Variants in BRWD3 observed in about 807,000 individuals in gnomAD.
BRWD3 encodes bromodomain and WD repeat-containing protein 3.
Under a neutral mutation model 149.7 loss-of-function variants are expected in BRWD3, and 10 were observed. That is an observed-to-expected ratio of 0.07 (90% CI 0.04 to 0.11). BRWD3 has a LOEUF of 0.11. BRWD3 is among the 10% of genes least tolerant of loss of function. BRWD3 has a pLI of 1.00. For synonymous variants in BRWD3, 504 were observed against 456.7 expected, an observed-to-expected ratio of 1.10 and a Z score of -1.32; for missense variants, 940 against 1,373.2, an observed-to-expected ratio of 0.68 and a Z score of 4.99.
At chrX:80,773,076 G>A (rs968777131) in intron 6 of BRWD3, among the ~76,000 whole-genome samples, 3 of 112,006 alleles carry the variant, frequency 2.7e-5, no homozygotes, top group Non-Finnish European at 5.6e-5. Flanking sequence ...ATGGGGTAGG[G>A]GAGTCACGCA....
rs767526100 is a variant in BRWD3 at position 80,762,998 on chromosome X, A to G, written c.431-17269T>C. ...TCTAAGGAATAGTGATCGCTACTATAAAGAAAATAAAATAAATGCAAAAAT... is the reference window on the plus strand; with the variant it reads ...TCTAAGGAATAGTGATCGCTACTATGAAGAAAATAAAATAAATGCAAAAAT... On this transcript the variant is annotated intron_variant, in intron 6 of 40. Transcript: ENST00000373275. 1.1e-4 allele frequency among the ~76,000 whole-genome samples: 12 copies of G among 111,183 alleles called. No homozygotes were observed. In the East Asian group the frequency reaches 2.3e-3, roughly 21 times the overall value.
At chrX:80,790,206 A>G (rs2074165510) in intron 6 of BRWD3, among the ~76,000 whole-genome samples, 1 of 107,653 alleles carries the variant, frequency 9.3e-6, no homozygotes, top group Non-Finnish European at 1.9e-5. Flanking sequence ...AAAAAAAAAA[A>G]AAAAAAAAAA....
At chrX:80,704,258 A>G (rs910715108) in intron 23 of BRWD3, among the ~76,000 whole-genome samples, 9 of 56,405 alleles carry the variant, frequency 1.6e-4, no homozygotes, top group Non-Finnish European at 2.4e-4. Context: ...ACACCAAAAA[A>G]CATAGTGGAA....
At chrX:80,770,295 CA>C (rs888107620) in intron 6 of BRWD3, among the ~76,000 whole-genome samples, 1 of 111,097 alleles carries the variant, frequency 9.0e-6, no homozygotes, top group Admixed American at 9.6e-5. Context: ...AGAGACACAA[CA>C]AAAAAAGAGA....
In BRWD3 at chrX:80,735,167, G is replaced by A; in HGVS notation, c.945C>T (p.Ser315=). Reference sequence around the variant, plus strand: ...AACAAGATATCTGGACTCCAGGTCTGGATCTCTCAGTAAATTTCACCGGGC... The same window carrying A: ...AACAAGATATCTGGACTCCAGGTCTAGATCTCTCAGTAAATTTCACCGGGC... The part of the protein sequence containing the change: ...RDRPVKFTER[S]RPGVQISCSS... Residue 315 remains serine (S), a synonymous_variant, in exon 10 of 41, where the codon TCC becomes TCT. Transcript: ENST00000373275. 1 of 1,207,462 alleles carries A rather than the reference G, an allele frequency of 8.3e-7. No individual in the cohort carries two copies. The highest frequency in any genetic ancestry group is 1.1e-6 in the Non-Finnish European group (1 of 891,904).
intron 6 of BRWD3, among the ~76,000 whole-genome samples, chrX:80,772,412 G>A (rs1249133637): frequency 9.0e-6 from 1 of 110,997 alleles, no homozygotes; most frequent in East Asian, 2.9e-4. Flanking sequence ...GGTGGGAATT[G>A]AACAATGAGA....
intron 35 of BRWD3, 115 bp from the exon 36 acceptor site, chrX:80,685,651 C>T (rs1423224207): frequency 8.9e-6 from 5 of 564,772 alleles, no homozygotes; most frequent in Non-Finnish European, 1.5e-5. Flanking sequence ...CATGTTTTAT[C>T]GGCTGTACTT....
intron 6 of BRWD3, among the ~76,000 whole-genome samples, chrX:80,747,923 C>T (rs2073615370): frequency 9.0e-6 from 1 of 111,594 alleles, no homozygotes; most frequent in Admixed American, 9.6e-5. Flanking sequence ...CATTTTGTTT[C>T]TTTCATTTTC....
At chrX:80,726,889 A>G (rs1266293309) in intron 14 of BRWD3, among the ~76,000 whole-genome samples, 2 of 110,697 alleles carry the variant, frequency 1.8e-5, no homozygotes, top group African/African-American at 6.6e-5. Flanking sequence ...AAAAGAATCA[A>G]TCTGATATAG....
At chrX:80,688,155 C>A in intron 33 of BRWD3, 30 bp from the exon 34 acceptor site, 1 of 1,073,014 alleles carries the variant, frequency 9.3e-7, no homozygotes, top group Non-Finnish European at 1.3e-6. Context: ...TGGGAAAAGA[C>A]GTTAAGTTAC....
rs908938708 is a variant in BRWD3 at position 80,673,746 on chromosome X, G to C, written c.*2863C>G. 1 of 111,557 alleles carries C rather than the reference G, an allele frequency of 9.0e-6. No homozygotes were observed. The highest frequency in any genetic ancestry group is 1.9e-5 in the Non-Finnish European group (1 of 52,966). The allele number at this position is 111,557 out of a possible 1,213,427, so 9.2% of individuals were successfully genotyped here. On this transcript the variant is annotated 3_prime_UTR_variant, in exon 41 of 41. Transcript: ENST00000373275. ...CACTGACTATTCATATCTAGCATAGGATTAGGTTTATACATGTATATGCTC... is the reference window on the plus strand; with the variant it reads ...CACTGACTATTCATATCTAGCATAGCATTAGGTTTATACATGTATATGCTC...
At chrX:80,727,524 G>A (rs1476148833) in intron 14 of BRWD3, among the ~76,000 whole-genome samples, 1 of 110,848 alleles carries the variant, frequency 9.0e-6, no homozygotes, top group African/African-American at 3.3e-5. Context: ...ACATGCCCCA[G>A]CCTCCTCACA....
chrX:80,788,499 T>A (rs754087199), intron 6 of BRWD3, among the ~76,000 whole-genome samples: 2 of 111,725 alleles, frequency 1.8e-5, no homozygotes, highest in African/African-American at 6.5e-5. Context: ...ATGGTGAGAA[T>A]GTGGGACAAC....
chrX:80,754,522 G>A (rs1393664097), intron 6 of BRWD3, among the ~76,000 whole-genome samples: 5 of 111,335 alleles, frequency 4.5e-5, no homozygotes, highest in Admixed American at 9.5e-5. Flanking sequence ...GACCACTCTC[G>A]CTAGGATTTC....
intron 6 of BRWD3, among the ~76,000 whole-genome samples, chrX:80,767,694 G>A (rs183183900): frequency 5.4e-5 from 6 of 111,719 alleles, no homozygotes; most frequent in Admixed American, 4.7e-4. Context: ...GCAGCTCCTC[G>A]CCAGCAACAG....
intron 23 of BRWD3, among the ~76,000 whole-genome samples, chrX:80,704,475 T>C (rs1179874390): frequency 8.9e-6 from 1 of 112,219 alleles, no homozygotes; most frequent in Non-Finnish European, 1.9e-5. Context: ...AATAACAAAT[T>C]ATAATGAAAC....
intron 20 of BRWD3, among the ~76,000 whole-genome samples, chrX:80,711,020 T>C (rs2072956904): frequency 9.1e-6 from 1 of 110,488 alleles, no homozygotes; most frequent in African/African-American, 3.3e-5. Flanking sequence ...AAAAAAGAAA[T>C]GTCTGGGTTG....
chrX:80,685,947 C>CCCAG (rs2072516090), intron 35 of BRWD3, among the ~76,000 whole-genome samples: 1 of 111,435 alleles, frequency 9.0e-6, no homozygotes, highest in South Asian at 3.8e-4. Context: ...TAGATACACT[C>CCCAG]CCAGGAAAGA....
chrX:80,787,500 T>C (rs1204676777), intron 6 of BRWD3, among the ~76,000 whole-genome samples: 1 of 108,433 alleles, frequency 9.2e-6, no homozygotes, highest in East Asian at 2.9e-4. Context: ...TTTTGACAAA[T>C]GTGCCACGAT....
Sources: allele counts gnomAD v4.1 joint callset (sites outside exome capture counted in the v4.1 genomes callset), GRCh38; gene constraint gnomAD v4.1.1; transcripts MANE v1.5; gene names NCBI Gene and HGNC (gene_info 2026-07-23, HGNC 2026-07-21).